The following NLRC5 variants were observed in gnomAD, a reference collection of about 807,000 sequenced individuals.
NLRC5 encodes NLR family CARD domain containing 5, also known as protein NLRC5.
Under a neutral mutation model 206.9 loss-of-function variants are expected in NLRC5, and 114 were observed. The ratio of observed to expected loss-of-function variants is 0.55; its 90% CI spans 0.47 to 0.64. The LOEUF (loss-of-function observed/expected upper bound fraction) is 0.64, where lower values mean the gene tolerates loss of function less well. NLRC5 is among the 30% of genes least tolerant of loss of function. The probability of loss-of-function intolerance (pLI) is 0.00; values close to 1 mark genes in which losing one functional copy is unlikely to be tolerated. For synonymous variants in NLRC5, 952 were observed against 962.8 expected, an observed-to-expected ratio of 0.99 and a Z score of 0.21; for missense variants, 2,008 against 2,305.5, an observed-to-expected ratio of 0.87 and a Z score of 2.64.
chr16:57,065,557 T>A (rs1300131109), intron 33 of NLRC5, among the ~76,000 whole-genome samples: 2 of 152,236 alleles, frequency 1.3e-5, no homozygotes, highest in African/African-American at 4.8e-5. Context: ...CAGACATGGC[T>A]GGGAGTCCAC....
intron 39 of NLRC5, 136 bp from the exon 40 acceptor site, chr16:57,076,683 G>T: frequency 1.3e-6 from 1 of 746,314 alleles, no homozygotes; most frequent in South Asian, 1.6e-5. Context: ...CACCTGCCAT[G>T]ACCCCCAGAA....
At chr16:57,033,024 T>C (rs1210622538) in intron 11 of NLRC5, among the ~76,000 whole-genome samples, 1 of 151,520 alleles carries the variant, frequency 6.6e-6, no homozygotes, top group African/African-American at 2.4e-5. Flanking sequence ...TTAGCACCAA[T>C]CCAAAAAGTC....
intron 38 of NLRC5, among the ~76,000 whole-genome samples, chr16:57,071,167 G>GT (rs1290970332): frequency 2.0e-5 from 3 of 147,974 alleles, no homozygotes; most frequent in East Asian, 2.1e-4. Context: ...AGTGGTGATG[G>GT]TGATTAATGG....
intron 1 of NLRC5, among the ~76,000 whole-genome samples, chr16:57,014,356 T>C (rs563231449): frequency 1.3e-5 from 2 of 152,360 alleles, no homozygotes; most frequent in Non-Finnish European, 2.9e-5. Context: ...ATCTTAAAGT[T>C]TGAATGATGG....
At chr16:57,055,226 C>T (rs750189176) in intron 26 of NLRC5, 132 bp downstream of exon 26, 130 of 1,022,784 alleles carry the variant, frequency 1.3e-4, no homozygotes, top group Non-Finnish European at 1.9e-4. Context: ...TGCAGAGGGA[C>T]TTGTTTCACC....
chr16:57,061,347 G>A (rs2066451939), intron 30 of NLRC5, 101 bp from the exon 31 acceptor site: 1 of 1,165,046 alleles, frequency 8.6e-7, no homozygotes, highest in Non-Finnish European at 1.2e-6. Context: ...GCCCTCAGAG[G>A]TGGGATGCTC....
At chr16:57,056,848 G>C (rs565416571) in intron 27 of NLRC5, among the ~76,000 whole-genome samples, 3 of 151,866 alleles carry the variant, frequency 2.0e-5, no homozygotes, top group Non-Finnish European at 1.5e-5. Flanking sequence ...TAGTAGAGAC[G>C]GGGTTTCACC....
chr16:57,072,617 C>T (rs938872679), intron 38 of NLRC5, among the ~76,000 whole-genome samples: 4 of 150,762 alleles, frequency 2.7e-5, no homozygotes, highest in African/African-American at 4.8e-5. Flanking sequence ...GACAGGTCCC[C>T]GTCCTGCACA....
chr16:57,032,052 C>G (rs1277130228), intron 11 of NLRC5, among the ~76,000 whole-genome samples: 4 of 151,942 alleles, frequency 2.6e-5, no homozygotes, highest in East Asian at 1.9e-4. Context: ...GTATGTATGC[C>G]CCTGAGCAAT....
In NLRC5 at chr16:57,023,805, A is replaced by T. The variant is rs540306956; in HGVS notation, c.376A>T (p.Ser126Cys). The change falls in exon 5 of 49, where the codon AGC becomes TGC. Residue 126 changes from serine to cysteine, a missense_variant. Ser to Cys is a moderately radical substitution (Grantham distance 112). Coordinates refer to ENST00000688547, the MANE Select transcript of NLRC5 (RefSeq NM_001384950.1). ...TTCAGGCCTGAAGCGCCCACATCAGAGCTGTGGGTCCTCACCCCGCCGGAA... is the reference window on the plus strand; with the variant it reads ...TTCAGGCCTGAAGCGCCCACATCAGTGCTGTGGGTCCTCACCCCGCCGGAA... ...LHHGLKRPHQSCGSSPRRKQC... is the reference protein window; with the variant it reads ...LHHGLKRPHQCCGSSPRRKQC... The T allele has an allele frequency of 4.3e-6, 7 of 1,612,084 alleles. No homozygotes were observed. The highest frequency in any genetic ancestry group is 5.9e-6 in the Non-Finnish European group (7 of 1,179,102).
intron 2 of NLRC5, 83 bp from the exon 3 acceptor site, chr16:57,020,618 C>T (rs1456391345): frequency 2.8e-6 from 1 of 353,526 alleles, no homozygotes; most frequent in Admixed American, 5.3e-5. Context: ...AGCTCAACTC[C>T]CCCCAAGTTC....
chr16:57,023,140 G>A (rs1048690592), intron 4 of NLRC5, among the ~76,000 whole-genome samples: 21 of 152,212 alleles, frequency 1.4e-4, no homozygotes, highest in African/African-American at 4.8e-4. Flanking sequence ...TAGCTTAGCT[G>A]TAGGAGGACC....
intron 33 of NLRC5, among the ~76,000 whole-genome samples, chr16:57,065,531 G>A (rs79141761): frequency 0.036 from 5,470 of 152,276 alleles, 506 homozygotes; most frequent in East Asian, 0.33. Flanking sequence ...CAAAACAAAG[G>A]GCTATTGGAT....
At chr16:57,022,477 C>T (rs2060785705) in intron 4 of NLRC5, among the ~76,000 whole-genome samples, 162 bp downstream of exon 4, 1 of 152,218 alleles carries the variant, frequency 6.6e-6, no homozygotes, top group Non-Finnish European at 1.5e-5. Context: ...GTGTCAAGCC[C>T]CTAACTGTGT....
intron 1 of NLRC5, among the ~76,000 whole-genome samples, chr16:57,000,736 T>C (rs1005013287): frequency 3.3e-5 from 5 of 152,208 alleles, no homozygotes; most frequent in African/African-American, 1.2e-4. Context: ...GCATCATCAC[T>C]GACTCACAGA....
chr16:56,991,174 A>C (rs1241757760), intron 1 of NLRC5: 1 of 152,006 alleles, frequency 6.6e-6, no homozygotes, highest in African/African-American at 2.4e-5. Flanking sequence ...GTGAGGGGAG[A>C]TGGATCCTTG....
chr16:57,020,269 C>T (rs1165363927), intron 2 of NLRC5, among the ~76,000 whole-genome samples: 3 of 150,908 alleles, frequency 2.0e-5, no homozygotes, highest in East Asian at 2.0e-4. Flanking sequence ...TAATCTTCCT[C>T]CCAGCTCCCC....
chr16:57,063,565 A>G (rs1454083758), intron 32 of NLRC5, among the ~76,000 whole-genome samples: 2 of 152,098 alleles, frequency 1.3e-5, no homozygotes, highest in African/African-American at 4.8e-5. Context: ...TTTTATTTCA[A>G]AAACAATAGA....
At chr16:57,064,453 T>C (rs2066877104) in intron 32 of NLRC5, among the ~76,000 whole-genome samples, 1 of 152,238 alleles carries the variant, frequency 6.6e-6, no homozygotes, top group Non-Finnish European at 1.5e-5. Context: ...ACAACCACCA[T>C]GAACATTTAA....
Sources: allele counts gnomAD v4.1 joint callset (sites outside exome capture counted in the v4.1 genomes callset), GRCh38; gene constraint gnomAD v4.1.1; transcripts MANE v1.5; gene names NCBI Gene and HGNC (gene_info 2026-07-23, HGNC 2026-07-21).